Variants in L3HYPDH observed in about 807,000 individuals in gnomAD.
L3HYPDH encodes the protein trans-L-3-hydroxyproline dehydratase.
A neutral mutation model predicts 26.5 loss-of-function variants in L3HYPDH; 32 were observed. The ratio of observed to expected loss-of-function variants is 1.21; its 90% confidence interval spans 0.91 to 1.62. The LOEUF (loss-of-function observed/expected upper bound fraction) is 1.62, where lower values mean the gene tolerates loss of function less well. Ranked by LOEUF, L3HYPDH falls within the 40% of genes most tolerant of loss-of-function variation. L3HYPDH has a pLI of 0.00. For synonymous variants in L3HYPDH, 215 were observed against 196.6 expected (o/e 1.09, Z -0.78); for missense variants, 554 against 476.4 (o/e 1.16, Z -1.52).
upstream of L3HYPDH, among the ~76,000 whole-genome samples, chr14:59,488,613 A>G (rs906503152): frequency 1.3e-5 from 2 of 152,160 alleles, no homozygotes; most frequent in Non-Finnish European, 2.9e-5. Flanking sequence ...GGAGTAGGAA[A>G]GATAGGTTGA....
upstream of L3HYPDH, among the ~76,000 whole-genome samples, chr14:59,489,128 T>A (rs1338863271): frequency 6.6e-6 from 1 of 152,244 alleles, no homozygotes; most frequent in African/African-American, 2.4e-5. Context: ...GAAAATGCTT[T>A]TCTTCTCTAC....
upstream of L3HYPDH, among the ~76,000 whole-genome samples, chr14:59,488,888 C>T (rs1488141909): frequency 6.6e-6 from 1 of 152,208 alleles, no homozygotes; most frequent in Non-Finnish European, 1.5e-5. Flanking sequence ...AACAAAACAA[C>T]AACAACAAAA....
At chr14:59,477,855 AAATT>A (rs1384128555) in intron 2 of L3HYPDH, among the ~76,000 whole-genome samples, 1 of 152,234 alleles carries the variant, frequency 6.6e-6, no homozygotes, top group African/African-American at 2.4e-5. Flanking sequence ...TACTACTAAT[AAATT>A]CTCACATACT....
chr14:59,486,337 A>G (rs1327444454), upstream of L3HYPDH, among the ~76,000 whole-genome samples: 1 of 152,228 alleles, frequency 6.6e-6, no homozygotes, highest in Admixed American at 6.5e-5. Flanking sequence ...TGACTGGGCA[A>G]AATACAAGGT....
the L3HYPDH span, chr14:59,501,087 G>A: frequency 1.4e-6 from 1 of 719,794 alleles, no homozygotes; most frequent in Non-Finnish European, 2.3e-6. Flanking sequence ...AGAACTGGTT[G>A]AGAAAGGATT....
chr14:59,495,251 A>C, the L3HYPDH span: 1 of 1,449,732 alleles, frequency 6.9e-7, no homozygotes, highest in Non-Finnish European at 9.4e-7. Context: ...ACTTAAGATC[A>C]TTGTTTTTTT....
At chr14:59,479,021 TG>T in intron 2 of L3HYPDH, 160 bp downstream of exon 2, 1 of 536,334 alleles carries the variant, frequency 1.9e-6, no homozygotes, top group Non-Finnish European at 3.1e-6. Flanking sequence ...AGGCCACGGG[TG>T]GGACAAGCTT....
chr14:59,479,785 C>T (rs190952879), intron 1 of L3HYPDH, among the ~76,000 whole-genome samples: 48 of 152,198 alleles, frequency 3.2e-4, no homozygotes, highest in East Asian at 1.7e-3. Flanking sequence ...TTTCTTCAGC[C>T]GTAATGTCAA....
At chr14:59,482,716 T>G (rs1271341581) in intron 1 of L3HYPDH, among the ~76,000 whole-genome samples, 1 of 152,232 alleles carries the variant, frequency 6.6e-6, no homozygotes, top group African/African-American at 2.4e-5. Flanking sequence ...GCTCTAAAAG[T>G]GCCTGTTCTA....
At chr14:59,495,197 A>G in the L3HYPDH span, 6 of 1,612,802 alleles carry the variant, frequency 3.7e-6, no homozygotes, top group South Asian at 4.4e-5. Context: ...ACCACAGTAC[A>G]CTGTACTCAT....
downstream of L3HYPDH, among the ~76,000 whole-genome samples, chr14:59,471,753 G>A (rs1889316176): frequency 6.6e-6 from 1 of 152,106 alleles, no homozygotes; most frequent in Admixed American, 6.5e-5. Context: ...GATTTGGAGG[G>A]AAAATACTGG....
At chr14:59,483,395 T>C (rs575818115) in intron 1 of L3HYPDH, 5 of 491,434 alleles carry the variant, frequency 1.0e-5, no homozygotes, top group African/African-American at 8.3e-5. Context: ...TAGTAACTTA[T>C]TAAGTGTGAT....
the L3HYPDH span, chr14:59,505,112 G>A: frequency 2.2e-6 from 1 of 453,750 alleles, no homozygotes; most frequent in Non-Finnish European, 3.9e-6. Flanking sequence ...CTTGGTGGAG[G>A]TTGTGTGAAT....
At chr14:59,475,785 A>C in intron 4 of L3HYPDH, 84 bp downstream of exon 4, 1 of 1,328,228 alleles carries the variant, frequency 7.5e-7, no homozygotes, top group Non-Finnish European at 1.0e-6. Context: ...AGCTGAGTGA[A>C]GAAATTTATC....
the L3HYPDH span, among the ~76,000 whole-genome samples, chr14:59,492,964 A>ATTTTTT: frequency 6.6e-6 from 1 of 151,818 alleles, no homozygotes; most frequent in East Asian, 1.9e-4. Flanking sequence ...CGCCCGGCCA[A>ATTTTTT]TTTTTTTGTA....
downstream of L3HYPDH, among the ~76,000 whole-genome samples, chr14:59,468,011 G>C (rs142638458): frequency 7.9e-5 from 12 of 152,158 alleles, no homozygotes; most frequent in East Asian, 2.3e-3. Flanking sequence ...GTCCTAACCG[G>C]TCTTCCCACA....
chr14:59,483,886 G>C lies in L3HYPDH; in HGVS notation c.431C>G (p.Ala144Gly). 2 of 1,570,652 alleles carry C rather than the reference G, an allele frequency of 1.3e-6. No homozygotes were observed. Among genetic ancestry groups the C allele is most frequent in the South Asian group, 1.1e-5 (1 of 87,058 alleles). Residue 144 changes from alanine (A) to glycine (G), a missense_variant, in exon 1 of 5, where the codon GCC (alanine) becomes GGC (glycine). Coordinates refer to ENST00000247194, the MANE Select transcript of L3HYPDH (RefSeq NM_144581.2). ...GCGGCCGTCCTCGCATGCCACGAAG[G>C]CGGTCACCAGCCCGCAGGGGCAGTG... ...NIHCPCGLVT[A>G]FVACEDGRSH...
chr14:59,470,606 A>G (rs1889284543), downstream of L3HYPDH, among the ~76,000 whole-genome samples: 1 of 152,150 alleles, frequency 6.6e-6, no homozygotes, highest in Admixed American at 6.5e-5. Flanking sequence ...GCTCAGCACC[A>G]AGGGACTAGA....
intron 1 of L3HYPDH, chr14:59,483,537 G>C (rs1566566781): frequency 7.2e-7 from 1 of 1,393,424 alleles, no homozygotes. Context: ...CACCAGTGCA[G>C]AGGGAGGCGC....
Sources: gnomAD v4.1 joint callset for allele counts (sites outside exome capture counted in the v4.1 genomes callset) on GRCh38, gnomAD v4.1.1 for gene constraint, MANE v1.5 for transcripts, NCBI Gene and HGNC (gene_info 2026-07-23, HGNC 2026-07-21) for gene names.